PDGFD: variants seen among roughly 807,000 people sequenced by gnomAD.
PDGFD encodes platelet derived growth factor D.
In PDGFD, 30 loss-of-function variants were observed where a neutral mutation model predicts 44.7. The observed-to-expected ratio is 0.67, with a 90% CI of 0.50 to 0.91. PDGFD has a LOEUF of 0.91. Ranked by LOEUF, PDGFD falls within the 40% of genes least tolerant of loss-of-function variation. PDGFD has a pLI of 0.00. For synonymous variants in PDGFD, 173 were observed against 168.4 expected, an observed-to-expected ratio of 1.03 and a Z score of -0.21; for missense variants, 445 against 457.8, an observed-to-expected ratio of 0.97 and a Z score of 0.25.
At chr11:104,019,224 T>C (rs1231290332) in intron 1 of PDGFD, among the ~76,000 whole-genome samples, 1 of 152,214 alleles carries the variant, frequency 6.6e-6, no homozygotes, top group Non-Finnish European at 1.5e-5. Context: ...CAATACTGTA[T>C]GTCCAGCACC....
chr11:104,092,154 T>A (rs931325889), intron 1 of PDGFD, among the ~76,000 whole-genome samples: 1 of 152,134 alleles, frequency 6.6e-6, no homozygotes, highest in African/African-American at 2.4e-5. Flanking sequence ...TGTATATCAG[T>A]GCCAAAATCT....
chr11:104,051,841 T>A (rs985929360), intron 1 of PDGFD, among the ~76,000 whole-genome samples: 7 of 152,090 alleles, frequency 4.6e-5, no homozygotes, highest in Admixed American at 6.5e-5. Flanking sequence ...AAAATTATGG[T>A]ACAATTTTTT....
At chr11:103,958,004 C>T (rs529279121) in intron 3 of PDGFD, among the ~76,000 whole-genome samples, 3 of 151,488 alleles carry the variant, frequency 2.0e-5, no homozygotes, top group South Asian at 2.1e-4. Context: ...AATCTGTTGC[C>T]GAAGAGCTAG....
intron 1 of PDGFD, among the ~76,000 whole-genome samples, chr11:104,000,946 T>C (rs1012749896): frequency 5.9e-5 from 9 of 151,646 alleles, no homozygotes; most frequent in South Asian, 2.1e-4. Flanking sequence ...TCTCACGTCA[T>C]AGAAATATTT....
chr11:104,134,178 A>AGATAT (rs200803690), intron 1 of PDGFD, among the ~76,000 whole-genome samples: 19,732 of 152,094 alleles, frequency 0.13, 1,409 homozygotes, highest in East Asian at 0.29. Flanking sequence ...TAGGGGTCAC[A>AGATAT]AACACAGATA....
rs1046721155 is a variant in PDGFD at position 104,163,956 on chromosome 11, C to T, written c.-29G>A. ...GGATCAGCGACTAGAGACAGCGTCG[C>T]TCCAAGAAAAAGCCGGGTTCTGCTC... On this transcript the variant is annotated 5_prime_UTR_variant, in exon 1 of 7. Coordinates refer to ENST00000393158, the MANE Select transcript of PDGFD (RefSeq NM_025208.5). 8 of 1,504,582 alleles carry T rather than the reference C, an allele frequency of 5.3e-6. No individual in the cohort carries two copies. The highest frequency in any genetic ancestry group is 6.3e-6 in the Non-Finnish European group (7 of 1,112,288). The allele number at this position is 1,504,582 out of a possible 1,614,324, so 93.2% of individuals were successfully genotyped here.
intron 6 of PDGFD, among the ~76,000 whole-genome samples, chr11:103,921,714 A>C (rs1165218817): frequency 6.6e-6 from 1 of 151,556 alleles, no homozygotes; most frequent in Non-Finnish European, 1.5e-5. Flanking sequence ...TTAATACAAA[A>C]TTCTACCTTA....
chr11:104,095,961 A>T (rs1861279817), intron 1 of PDGFD, among the ~76,000 whole-genome samples: 1 of 152,174 alleles, frequency 6.6e-6, no homozygotes, highest in Non-Finnish European at 1.5e-5. Flanking sequence ...ACTTTGAAAC[A>T]ATAACTCATT....
At chr11:103,945,093 T>C (rs950967404) in intron 4 of PDGFD, among the ~76,000 whole-genome samples, 5 of 152,176 alleles carry the variant, frequency 3.3e-5, no homozygotes, top group Non-Finnish European at 7.3e-5. Context: ...CAGGTAATAA[T>C]GATCATTTAT....
Position 103,996,146 on chromosome 11 carries a change from T to C in PDGFD, c.429A>G (p.Arg143=). ...HKEVPPRIKS[R]TNQIKITFKS... ...TGAATGTGATTTTAATTTGGTTCGT[T>C]CTTGATTTTATCCTTGGAGGAACTT... Residue 143 remains arginine, a synonymous_variant, in exon 3 of 7, where the codon AGA becomes AGG. Transcript: ENST00000393158. 1 of 1,613,814 alleles carries C rather than the reference T, an allele frequency of 6.2e-7. No individual in the cohort carries two copies. The highest frequency in any genetic ancestry group is 1.1e-5 in the South Asian group (1 of 91,070).
intron 4 of PDGFD, among the ~76,000 whole-genome samples, chr11:103,944,671 T>C (rs972353588): frequency 3.3e-5 from 5 of 152,208 alleles, no homozygotes; most frequent in Middle Eastern, 3.2e-3. Context: ...TTATGTGCTA[T>C]TGAGTCCCAG....
chr11:103,944,887 G>T (rs1167372960), intron 4 of PDGFD, among the ~76,000 whole-genome samples: 1 of 152,148 alleles, frequency 6.6e-6, no homozygotes, highest in African/African-American at 2.4e-5. Flanking sequence ...TAGGGAAAAG[G>T]GAGTCAAGGG....
intron 1 of PDGFD, among the ~76,000 whole-genome samples, chr11:104,027,839 T>G (rs913322296): frequency 4.6e-5 from 7 of 152,202 alleles, no homozygotes; most frequent in Non-Finnish European, 7.3e-5. Flanking sequence ...ATTGATATTT[T>G]CAAAGAACAG....
chr11:104,149,216 T>C (rs1392492550), intron 1 of PDGFD, among the ~76,000 whole-genome samples: 1 of 152,170 alleles, frequency 6.6e-6, no homozygotes, highest in African/African-American at 2.4e-5. Flanking sequence ...TCACTTAATG[T>C]CATCTATAGG....
intron 3 of PDGFD, among the ~76,000 whole-genome samples, chr11:103,991,822 C>T (rs893302103): frequency 6.6e-6 from 1 of 152,158 alleles, no homozygotes; most frequent in Admixed American, 6.5e-5. Flanking sequence ...CTCAAAACAA[C>T]CTAATGTCAT....
chr11:103,957,658 A>T lies in PDGFD; in HGVS notation c.511-9934T>A, dbSNP rs7926832. 8.9e-4 allele frequency among the ~76,000 whole-genome samples: 135 copies of T among 152,306 alleles called. 1 individual carries two copies. Among genetic ancestry groups the T allele is most frequent in the African/African-American group, 3.2e-3 (132 of 41,558 alleles). ...ATAAATGGTGCTGGGAAAACTGGCT[A>T]GTTTGGGAATTTGTTCTCGATATAG... On this transcript the variant is annotated intron_variant, in intron 3 of 6. Transcript: ENST00000393158.
intron 5 of PDGFD, among the ~76,000 whole-genome samples, chr11:103,935,506 T>C (rs1305431278): frequency 2.6e-5 from 4 of 152,054 alleles, no homozygotes; most frequent in African/African-American, 7.2e-5. Context: ...ATAAGCAAAA[T>C]AGTGTCAGAA....
chr11:104,019,592 T>C (rs1432658054), intron 1 of PDGFD, among the ~76,000 whole-genome samples: 4 of 152,226 alleles, frequency 2.6e-5, no homozygotes, highest in African/African-American at 7.2e-5. Flanking sequence ...AAGTGAGATA[T>C]ATAGCTGGAA....
Position 103,979,440 on chromosome 11 carries a change from C to T in PDGFD, c.510+16625G>A, listed in dbSNP as rs115756109. ...ATCCTACAAACCCTCAGTTGTATTT[C>T]AGCTATCACTGATCTTACCACAATT... On this transcript the variant is annotated intron_variant, in intron 3 of 6. Coordinates refer to ENST00000393158, the MANE Select transcript of PDGFD (RefSeq NM_025208.5). Among the ~76,000 whole-genome samples, 380 of 152,176 alleles carry T rather than the reference C, an allele frequency of 2.5e-3. 3 individuals carry two copies. Among genetic ancestry groups the T allele is most frequent in the African/African-American group, 8.9e-3 (369 of 41,540 alleles).
Sources: allele counts gnomAD v4.1 joint callset (sites outside exome capture counted in the v4.1 genomes callset), GRCh38; gene constraint gnomAD v4.1.1; transcripts MANE v1.5; gene names NCBI Gene and HGNC (gene_info 2026-07-23, HGNC 2026-07-21).